Variants in SLC35D4 observed in about 807,000 individuals in gnomAD.
SLC35D4 encodes solute carrier family 35 member D4.
the SLC35D4 span, chr18:23,430,492 C>T: frequency 1.6e-6 from 1 of 614,270 alleles, no homozygotes; most frequent in East Asian, 2.9e-5. Context: ...ACATAAATGT[C>T]TGTTAATAAG....
At chr18:23,245,996 G>A in the SLC35D4 span, among the ~76,000 whole-genome samples, 2 of 152,174 alleles carry the variant, frequency 1.3e-5, no homozygotes, top group Admixed American at 6.5e-5. Context: ...GGCCGGGCAC[G>A]GTGGCTCACG....
chr18:23,418,457 T>C, the SLC35D4 span, among the ~76,000 whole-genome samples: 10 of 150,998 alleles, frequency 6.6e-5, no homozygotes, highest in East Asian at 1.4e-3. Context: ...CTGCAACCTC[T>C]GCCTCCCTGG....
chr18:23,264,206 G>C, the SLC35D4 span, among the ~76,000 whole-genome samples: 3 of 152,194 alleles, frequency 2.0e-5, no homozygotes, highest in African/African-American at 7.2e-5. Flanking sequence ...AGGCTTAATT[G>C]CCTGCTGGTT....
At chr18:23,252,412 A>G in the SLC35D4 span, among the ~76,000 whole-genome samples, 2 of 152,234 alleles carry the variant, frequency 1.3e-5, no homozygotes, top group African/African-American at 4.8e-5. Flanking sequence ...CTAAAAGAAC[A>G]TTAGCTAACA....
At chr18:23,281,918 A>G in the SLC35D4 span, among the ~76,000 whole-genome samples, 1 of 152,260 alleles carries the variant, frequency 6.6e-6, no homozygotes, top group African/African-American at 2.4e-5. Context: ...ATCTGATGAA[A>G]GAAGGAATGA....
the SLC35D4 span, among the ~76,000 whole-genome samples, chr18:23,302,625 C>A: frequency 6.6e-6 from 1 of 152,246 alleles, no homozygotes; most frequent in Non-Finnish European, 1.5e-5. Flanking sequence ...TTATCCCCTA[C>A]ATGGTGATCT....
the SLC35D4 span, among the ~76,000 whole-genome samples, chr18:23,265,719 T>C: frequency 1.3e-5 from 2 of 152,124 alleles, no homozygotes; most frequent in Non-Finnish European, 2.9e-5. Flanking sequence ...GAGGGTCATC[T>C]GAACAGAAGC....
At chr18:23,356,143 T>A in the SLC35D4 span, among the ~76,000 whole-genome samples, 1 of 152,116 alleles carries the variant, frequency 6.6e-6, no homozygotes, top group Admixed American at 6.5e-5. The surrounding 1 kb of genome is among the most constrained non-coding windows in gnomAD (Gnocchi z 4.1). Context: ...TTTCCCAGAG[T>A]CCTCAGGTTT....
the SLC35D4 span, among the ~76,000 whole-genome samples, chr18:23,286,071 A>G: frequency 6.6e-6 from 1 of 152,178 alleles, no homozygotes; most frequent in Admixed American, 6.5e-5. Context: ...ATCTGCTCTC[A>G]ACATTAAATA....
chr18:23,341,775 T>C, the SLC35D4 span, among the ~76,000 whole-genome samples: 1 of 152,232 alleles, frequency 6.6e-6, no homozygotes, highest in Non-Finnish European at 1.5e-5. Flanking sequence ...TACCCGAGGC[T>C]GGAAGAGATA....
the SLC35D4 span, among the ~76,000 whole-genome samples, chr18:23,320,115 C>A: frequency 7.2e-5 from 11 of 152,192 alleles, no homozygotes; most frequent in African/African-American, 2.7e-4. Context: ...ATCTCTCTCT[C>A]CTGTTCTTCT....
At chr18:23,373,849 T>A in the SLC35D4 span, 21 of 1,442,344 alleles carry the variant, frequency 1.5e-5, no homozygotes, top group Non-Finnish European at 1.9e-5. Flanking sequence ...ATGCATCCTC[T>A]GGAGTTGGAT....
At chr18:23,249,705 G>C in the SLC35D4 span, among the ~76,000 whole-genome samples, 1 of 152,192 alleles carries the variant, frequency 6.6e-6, no homozygotes, top group Non-Finnish European at 1.5e-5. Flanking sequence ...CAGGGAGGTT[G>C]AGTGACTTTC....
the SLC35D4 span, among the ~76,000 whole-genome samples, chr18:23,298,931 C>T: frequency 5.3e-5 from 8 of 152,220 alleles, no homozygotes; most frequent in African/African-American, 1.4e-4. Context: ...CAGGCCACGG[C>T]GCCTTCGCAC....
the SLC35D4 span, among the ~76,000 whole-genome samples, chr18:23,242,434 G>A: frequency 6.6e-6 from 1 of 152,208 alleles, no homozygotes; most frequent in Non-Finnish European, 1.5e-5. Context: ...TCAGGGGAGG[G>A]CGGATGCTTC....
chr18:23,405,692 G>A, the SLC35D4 span, among the ~76,000 whole-genome samples: 1 of 152,212 alleles, frequency 6.6e-6, no homozygotes, highest in Non-Finnish European at 1.5e-5. Context: ...AGTCATGGGA[G>A]GAGAGAGAGG....
chr18:23,249,756 G>A, the SLC35D4 span, among the ~76,000 whole-genome samples: 9 of 152,004 alleles, frequency 5.9e-5, no homozygotes, highest in East Asian at 9.7e-4. Flanking sequence ...CTGACCCCCC[G>A]CCCCCGACAG....
the SLC35D4 span, among the ~76,000 whole-genome samples, chr18:23,306,737 G>C: frequency 6.6e-6 from 1 of 152,134 alleles, no homozygotes; most frequent in Non-Finnish European, 1.5e-5. Flanking sequence ...CAATTTTATA[G>C]TGCTATTCCA....
chr18:23,270,849 G>C, the SLC35D4 span, among the ~76,000 whole-genome samples: 1 of 152,252 alleles, frequency 6.6e-6, no homozygotes, highest in Non-Finnish European at 1.5e-5. Flanking sequence ...AGTTACAATA[G>C]GCAGAAGGGA....
Sources: allele counts gnomAD v4.1 joint callset (sites outside exome capture counted in the v4.1 genomes callset), GRCh38; gene constraint gnomAD v4.1.1; non-coding constraint Gnocchi (gnomAD v3.1); transcripts MANE v1.5; gene names NCBI Gene and HGNC (gene_info 2026-07-23, HGNC 2026-07-21).